The following CRYBG1 variants were observed in gnomAD, a reference collection of about 807,000 sequenced individuals.
CRYBG1 encodes beta/gamma crystallin domain-containing protein 1.
CRYBG1 carries 139 observed loss-of-function variants against 189.2 expected under a neutral mutation model. The ratio of observed to expected loss-of-function variants is 0.73; its 90% CI spans 0.64 to 0.85. The LOEUF (loss-of-function observed/expected upper bound fraction) is 0.85, where lower values mean the gene tolerates loss of function less well. Among genes scored for constraint, CRYBG1 ranks in the 40% least tolerant of loss-of-function variants. The pLI is 0.00. For missense variants in CRYBG1, 2,611 were observed against 2,675.8 expected (o/e 0.98, Z 0.53); for synonymous variants, 1,023 against 1,017.1 (o/e 1.01, Z -0.11).
At chr6:106,369,464 T>C (rs1258391248) in intron 1 of CRYBG1, among the ~76,000 whole-genome samples, 1 of 152,222 alleles carries the variant, frequency 6.6e-6, no homozygotes, top group African/African-American at 2.4e-5. Context: ...AAAGGTAATA[T>C]CGACAGCTCA....
Position 106,520,594 on chromosome 6 carries a change from G to A in CRYBG1, c.3386G>A (p.Arg1129Lys). The stretch of plus-strand genomic sequence containing the variant: ...ATGCCCATGAAAAGAAAGAAGGCCA[G>A]GATGCCAAACTCTCCTGCTCCTCAC... ...VCMPMKRKKA[R>K]MPNSPAPHFA... The change falls in exon 4 of 22, where the codon AGG (arginine) becomes AAG (lysine). Residue 1129 changes from arginine (R) to lysine (K), a missense_variant. By Grantham distance (26) the Arg-to-Lys change is conservative. Around this residue, in one of 3 missense-constraint regions of CRYBG1, gnomAD observed 1,622 missense variants for 1,735.0 expected, o/e 0.93. Coordinates refer to ENST00000633556, the MANE Select transcript of CRYBG1 (RefSeq NM_001371242.2). 1 of 1,614,080 alleles carries A rather than the reference G, an allele frequency of 6.2e-7. No homozygotes were observed. The highest frequency in any genetic ancestry group is 8.5e-7 in the Non-Finnish European group (1 of 1,179,978).
chr6:106,527,473 A>T lies in CRYBG1; in HGVS notation c.4578+3A>T. On this transcript the variant is annotated splice_donor_region_variant and intron_variant, in intron 7 of 21. Coordinates refer to ENST00000633556, the MANE Select transcript of CRYBG1 (RefSeq NM_001371242.2). ...GTTCCATCAGACATGTGGTTCAGGT[A>T]GGTTGTGGTAAATATGGATTTTATT... The T allele has an allele frequency of 6.2e-7, 1 of 1,604,740 alleles. No homozygotes were observed. The highest frequency in any genetic ancestry group is 8.5e-7 in the Non-Finnish European group (1 of 1,176,592).
At chr6:106,526,677 C>T (rs895758808) in intron 6 of CRYBG1, among the ~76,000 whole-genome samples, 1 of 152,108 alleles carries the variant, frequency 6.6e-6, no homozygotes, top group Non-Finnish European at 1.5e-5. Flanking sequence ...CATGGTGGCT[C>T]ATGCCTGTAA....
intron 1 of CRYBG1, among the ~76,000 whole-genome samples, chr6:106,432,840 C>CTTTTTTTTTTTTTTTTTTT (rs5878888): frequency 7.8e-6 from 1 of 128,882 alleles, no homozygotes; most frequent in Non-Finnish European, 1.6e-5. Flanking sequence ...TCTTTTCTTT[C>CTTTTTTTTTTTTTTTTTTT]TTTTTTTTTT....
Position 106,512,923 on chromosome 6 carries a change from T to G in CRYBG1, c.1806T>G (p.Gly602=), listed in dbSNP as rs1582808511. Residue 602 remains glycine, a synonymous_variant, in exon 3 of 22, where the codon GGT becomes GGG. Coordinates refer to ENST00000633556, the MANE Select transcript of CRYBG1 (RefSeq NM_001371242.2). ...PNHFNGRAEG[G]RSRELGRAAG... ...ACTTCAACGGCCGGGCAGAGGGAGG[T>G]CGAAGCAGAGAGCTGGGCAGAGCGG... 6.2e-7 allele frequency: 1 copy of G among 1,607,428 alleles called. No homozygotes were observed.
chr6:106,398,011 A>G (rs1392324567), intron 1 of CRYBG1, among the ~76,000 whole-genome samples: 1 of 152,182 alleles, frequency 6.6e-6, no homozygotes, highest in Non-Finnish European at 1.5e-5. Context: ...AATAAGTACC[A>G]AAATACATTA....
At chr6:106,497,188 A>G (rs1772870037) in intron 2 of CRYBG1, among the ~76,000 whole-genome samples, 1 of 151,808 alleles carries the variant, frequency 6.6e-6, no homozygotes, top group South Asian at 2.1e-4. Flanking sequence ...ACAGAATCTA[A>G]TGGAATGGGT....
chr6:106,460,375 A>AT (rs1311774689), intron 2 of CRYBG1, among the ~76,000 whole-genome samples: 1 of 152,106 alleles, frequency 6.6e-6, no homozygotes, highest in Non-Finnish European at 1.5e-5. Context: ...TCATTTTTGT[A>AT]TTGCGTTGTT....
chr6:106,519,871 CAT>C lies in CRYBG1; in HGVS notation c.2664_2665del (p.Val890SerfsTer11). On this transcript the variant is annotated frameshift_variant, in exon 4 of 22. Coordinates refer to ENST00000633556, the MANE Select transcript of CRYBG1 (RefSeq NM_001371242.2). LOFTEE classifies it high-confidence loss of function. Reference sequence around the variant, plus strand: ...GCTCCTGGGGATGTTCCCAAAGACACATGTGTTCAATCACCCATAAGCAGTTT... The same window carrying C: ...GCTCCTGGGGATGTTCCCAAAGACACGTGTTCAATCACCCATAAGCAGTTT... 3 of 1,614,182 alleles carry C rather than the reference CAT, an allele frequency of 1.9e-6. No homozygotes were observed. The highest frequency in any genetic ancestry group is 2.5e-6 in the Non-Finnish European group (3 of 1,180,018).
chr6:106,412,960 AAAAG>A (rs1376784644), intron 1 of CRYBG1, among the ~76,000 whole-genome samples: 1 of 152,012 alleles, frequency 6.6e-6, no homozygotes, highest in Non-Finnish European at 1.5e-5. Context: ...AAAAAAAAAA[AAAAG>A]AGCTTTTGGA....
intron 1 of CRYBG1, among the ~76,000 whole-genome samples, chr6:106,422,634 CTA>C (rs1039892935): frequency 2.0e-5 from 3 of 152,170 alleles, no homozygotes; most frequent in Non-Finnish European, 4.4e-5. Flanking sequence ...CCCATCTGAC[CTA>C]TTTGTTCAAG....
At chr6:106,540,388 T>C (rs983990398) in intron 9 of CRYBG1, among the ~76,000 whole-genome samples, 1 of 152,196 alleles carries the variant, frequency 6.6e-6, no homozygotes, top group Admixed American at 6.5e-5. Flanking sequence ...AGGAAGACAA[T>C]TTTTTTAATG....
At chr6:106,378,789 G>T (rs1019340896) in intron 1 of CRYBG1, among the ~76,000 whole-genome samples, 1 of 152,156 alleles carries the variant, frequency 6.6e-6, no homozygotes, top group East Asian at 1.9e-4. Flanking sequence ...TTATTGCAAT[G>T]TCTTTTCTTC....
chr6:106,429,040 T>G (rs1771278084), intron 1 of CRYBG1, among the ~76,000 whole-genome samples: 1 of 152,242 alleles, frequency 6.6e-6, no homozygotes, highest in East Asian at 1.9e-4. Flanking sequence ...ATGGAGATTT[T>G]TACAGTGTTT....
intron 13 of CRYBG1, among the ~76,000 whole-genome samples, chr6:106,547,212 A>ATACC (rs1554191202): frequency 2.7e-4 from 16 of 60,246 alleles, no homozygotes; most frequent in African/African-American, 5.6e-4. Context: ...ACACACACAC[A>ATACC]CCACTTCCTT....
intron 21 of CRYBG1, among the ~76,000 whole-genome samples, chr6:106,565,246 G>A (rs991423583): frequency 9.2e-5 from 14 of 152,030 alleles, no homozygotes; most frequent in Admixed American, 7.9e-4. Flanking sequence ...GCGTCAACCC[G>A]GGAGGCGGAC....
At chr6:106,394,978 C>T (rs1770577248) in intron 1 of CRYBG1, among the ~76,000 whole-genome samples, 1 of 151,430 alleles carries the variant, frequency 6.6e-6, no homozygotes, top group South Asian at 2.1e-4. Context: ...GTCTCAGCCT[C>T]CCAAGTAGCT....
chr6:106,565,638 A>G (rs1774861596), intron 21 of CRYBG1, among the ~76,000 whole-genome samples: 1 of 152,236 alleles, frequency 6.6e-6, no homozygotes, highest in Non-Finnish European at 1.5e-5. Flanking sequence ...GATGGAGACC[A>G]CAAAGATCAT....
chr6:106,486,234 ATAT>A (rs1772590189), intron 2 of CRYBG1, among the ~76,000 whole-genome samples: 1 of 151,912 alleles, frequency 6.6e-6, no homozygotes, highest in African/African-American at 2.4e-5. Context: ...ATCAAAGAAC[ATAT>A]TATTTAATTT....
Sources: gnomAD v4.1 joint callset for allele counts (sites outside exome capture counted in the v4.1 genomes callset) on GRCh38, gnomAD v4.1.1 for gene constraint, gnomAD v4.1.1 regional missense constraint, MANE v1.5 for transcripts, NCBI Gene and HGNC (gene_info 2026-07-23, HGNC 2026-07-21) for gene names.